NEGR1: variants seen among roughly 807,000 people sequenced by gnomAD.
NEGR1 encodes neuronal growth regulator 1, also known as IgLON family member 4.
In NEGR1, 10 loss-of-function variants were observed where a neutral mutation model predicts 40.9. The ratio of observed to expected loss-of-function variants is 0.24; its 90% confidence interval spans 0.15 to 0.42. The LOEUF is 0.42. Ranked by LOEUF, NEGR1 falls within the 10% of genes least tolerant of loss-of-function variation. The pLI is 1.00. For missense variants in NEGR1, 352 were observed against 438.9 expected, an observed-to-expected ratio of 0.80 and a Z score of 1.77; for synonymous variants, 185 against 166.8, an observed-to-expected ratio of 1.11 and a Z score of -0.84.
chr1:72,118,357 A>G (rs2100284624), intron 1 of NEGR1, among the ~76,000 whole-genome samples: 1 of 151,832 alleles, frequency 6.6e-6, no homozygotes, highest in African/African-American at 2.4e-5. Flanking sequence ...TACTGTGCAG[A>G]TGTGGAGGGT....
At chr1:72,047,127 C>T (rs1295370453) in intron 1 of NEGR1, among the ~76,000 whole-genome samples, 4 of 151,018 alleles carry the variant, frequency 2.6e-5, no homozygotes, top group African/African-American at 4.9e-5. Context: ...ATTAGTTTTG[C>T]TGTTTTGTTT....
chr1:72,057,412 T>C (rs1052517419), intron 1 of NEGR1, among the ~76,000 whole-genome samples: 1 of 151,586 alleles, frequency 6.6e-6, no homozygotes, highest in Admixed American at 6.6e-5. Context: ...GCTCCTATCG[T>C]CATAGTTGCA....
chr1:72,169,666 T>C (rs973279657), intron 1 of NEGR1, among the ~76,000 whole-genome samples: 1 of 152,172 alleles, frequency 6.6e-6, no homozygotes, highest in Non-Finnish European at 1.5e-5. Context: ...AAAAGGTTTT[T>C]ATGTGATACA....
intron 1 of NEGR1, among the ~76,000 whole-genome samples, chr1:72,171,601 CT>C (rs938616321): frequency 6.6e-6 from 1 of 152,058 alleles, no homozygotes; most frequent in African/African-American, 2.4e-5. Context: ...AATGCTTTGT[CT>C]TTTTTGCCAT....
At position 71,407,529 on chromosome 1, in the gene NEGR1, C is replaced by T; in HGVS notation, c.982G>A (p.Val328Ile). ...AQYGITGSAD[V>I]LFSCWYLVLT... ...ACAAGGTACCAGCAGGAGAAAAGAACATCAGCGCTCCCGGTAATTCCATAC... is the reference window on the plus strand; with the variant it reads ...ACAAGGTACCAGCAGGAGAAAAGAATATCAGCGCTCCCGGTAATTCCATAC... Residue 328 changes from valine to isoleucine, a missense_variant, in exon 7 of 7, where the codon GTT becomes ATT. By Grantham distance (29) the Val-to-Ile change is conservative (BLOSUM62 3). Around this residue, in one of 5 missense-constraint regions of NEGR1, gnomAD observed 184 missense variants for 208.7 expected, o/e 0.88. Coordinates refer to ENST00000357731, the MANE Select transcript of NEGR1 (RefSeq NM_173808.3). 6.2e-7 allele frequency: 1 copy of T among 1,612,386 alleles called. No individual in the cohort carries two copies. Among genetic ancestry groups the T allele is most frequent in the Non-Finnish European group, 8.5e-7 (1 of 1,178,646 alleles).
chr1:71,597,239 A>T (rs1224197741), intron 5 of NEGR1, among the ~76,000 whole-genome samples: 1 of 152,026 alleles, frequency 6.6e-6, no homozygotes, highest in Non-Finnish European at 1.5e-5. Context: ...TCAAATTACG[A>T]TTAAATGCCT....
At chr1:72,167,994 T>C (rs1651824638) in intron 1 of NEGR1, among the ~76,000 whole-genome samples, 1 of 13,082 alleles carries the variant, frequency 7.6e-5, no homozygotes, top group South Asian at 2.5e-3. Context: ...GGTAGTTATA[T>C]TATTATTATT....
At chr1:72,093,357 T>C (rs1569952008) in intron 1 of NEGR1, among the ~76,000 whole-genome samples, 1 of 140,736 alleles carries the variant, frequency 7.1e-6, no homozygotes, top group African/African-American at 2.9e-5. Context: ...GCTCAAATGT[T>C]AGAATAAACA....
chr1:71,746,144 T>A (rs1655375208), intron 3 of NEGR1, among the ~76,000 whole-genome samples: 1 of 152,248 alleles, frequency 6.6e-6, no homozygotes, highest in Non-Finnish European at 1.5e-5. Flanking sequence ...AAAAGTATGT[T>A]CATACAAATA....
chr1:72,161,031 A>G (rs1651536495), intron 1 of NEGR1, among the ~76,000 whole-genome samples: 1 of 152,180 alleles, frequency 6.6e-6, no homozygotes, highest in African/African-American at 2.4e-5. Flanking sequence ...TTCTTTAATT[A>G]CATATTTACT....
chr1:71,581,354 G>A lies in NEGR1; in HGVS notation c.940+11463C>T, dbSNP rs151008694. ...ATTAAACGTAATGTGTCATGTCTGT[G>A]GCCATTACATTAATGTCGACACAAA... is the stretch of plus-strand genomic sequence containing the variant. On this transcript the variant is annotated intron_variant, in intron 6 of 6. Transcript: ENST00000357731. Among the ~76,000 whole-genome samples the A allele has an allele frequency of 5.0e-3, 758 of 152,186 alleles. 2 individuals are homozygous for A. The highest frequency in any genetic ancestry group is 0.017 in the African/African-American group (691 of 41,526).
chr1:71,876,540 A>C (rs1052000448), intron 2 of NEGR1, among the ~76,000 whole-genome samples: 16 of 150,670 alleles, frequency 1.1e-4, no homozygotes, highest in African/African-American at 3.7e-4. Context: ...GAGAGAGAGG[A>C]GACAGAGAGA....
chr1:72,232,948 T>C (rs1654421320), intron 1 of NEGR1, among the ~76,000 whole-genome samples: 1 of 152,184 alleles, frequency 6.6e-6, no homozygotes. Flanking sequence ...CAGTAAAGTC[T>C]TGAAAAATAG....
At chr1:71,974,011 A>G (rs1296017822) in intron 1 of NEGR1, among the ~76,000 whole-genome samples, 2 of 152,086 alleles carry the variant, frequency 1.3e-5, no homozygotes, top group African/African-American at 4.8e-5. Context: ...AAATTTTATT[A>G]GAGGAATTCA....
At chr1:71,983,368 C>A (rs987872621) in intron 1 of NEGR1, among the ~76,000 whole-genome samples, 6 of 152,160 alleles carry the variant, frequency 3.9e-5, no homozygotes, top group Non-Finnish European at 8.8e-5. Flanking sequence ...GCGCTTATTT[C>A]TTTTCCTGAG....
At chr1:71,981,049 C>A (rs1173581911) in intron 1 of NEGR1, among the ~76,000 whole-genome samples, 1 of 152,120 alleles carries the variant, frequency 6.6e-6, no homozygotes, top group South Asian at 2.1e-4. Context: ...AAACCAAATG[C>A]TTAATATTTT....
At chr1:72,154,279 C>A (rs920482245) in intron 1 of NEGR1, among the ~76,000 whole-genome samples, 1 of 151,688 alleles carries the variant, frequency 6.6e-6, no homozygotes, top group African/African-American at 2.4e-5. Context: ...GTATTTCAAC[C>A]GAATTCACTA....
intron 1 of NEGR1, among the ~76,000 whole-genome samples, chr1:72,036,249 T>A (rs575061238): frequency 3.2e-4 from 49 of 152,286 alleles, no homozygotes; most frequent in African/African-American, 1.1e-3. Context: ...GCTTATTTAT[T>A]TATATAGATG....
At chr1:71,886,182 A>T (rs1660717073) in intron 2 of NEGR1, among the ~76,000 whole-genome samples, 1 of 152,206 alleles carries the variant, frequency 6.6e-6, no homozygotes, top group South Asian at 2.1e-4. Context: ...AAAAGGGCTT[A>T]GATTAGTCCA....
Sources: gnomAD v4.1 joint callset for allele counts (sites outside exome capture counted in the v4.1 genomes callset) on GRCh38, gnomAD v4.1.1 for gene constraint, gnomAD v4.1.1 regional missense constraint, MANE v1.5 for transcripts, NCBI Gene and HGNC (gene_info 2026-07-23, HGNC 2026-07-21) for gene names.